The following CADM2 variants were observed in gnomAD, a reference collection of about 807,000 sequenced individuals.
CADM2 encodes immunoglobulin superfamily member 4D.
A neutral mutation model predicts 49.8 loss-of-function variants in CADM2; 12 were observed. The observed-to-expected ratio is 0.24, with a 90% CI of 0.15 to 0.39. CADM2 has a LOEUF of 0.39. Ranked by LOEUF, CADM2 falls within the 10% of genes least tolerant of loss-of-function variation. The pLI is 1.00. For missense variants in CADM2, 378 were observed against 492.3 expected (o/e 0.77, Z 2.20); for synonymous variants, 214 against 175.4 (o/e 1.22, Z -1.74).
intron 6 of CADM2, among the ~76,000 whole-genome samples, chr3:85,923,109 C>A (rs1210966567): frequency 6.6e-6 from 1 of 152,106 alleles, no homozygotes; most frequent in African/African-American, 2.4e-5. Context: ...AAGCGTGAGC[C>A]ACCGCGCCCG....
chr3:85,385,348 G>A (rs1474156239), intron 1 of CADM2, among the ~76,000 whole-genome samples: 1 of 152,206 alleles, frequency 6.6e-6, no homozygotes, highest in Non-Finnish European at 1.5e-5. Context: ...TGTTTGGGAG[G>A]AGAGTGAGCA....
chr3:85,979,305 T>C (rs1727186476), intron 8 of CADM2: 2 of 1,607,224 alleles, frequency 1.2e-6, no homozygotes, highest in Non-Finnish European at 1.7e-6. Context: ...TTCTTTGTTA[T>C]AGCCTGGAAA....
chr3:85,420,090 A>G (rs9857241), intron 1 of CADM2, among the ~76,000 whole-genome samples: 145 of 152,316 alleles, frequency 9.5e-4, no homozygotes, highest in African/African-American at 3.4e-3. Flanking sequence ...GAGAGATTCC[A>G]GTTATGACAC....
chr3:85,769,855 G>GAA (rs11445724), intron 2 of CADM2, among the ~76,000 whole-genome samples: 1 of 151,052 alleles, frequency 6.6e-6, no homozygotes, highest in Non-Finnish European at 1.5e-5. Context: ...ATATCAATGA[G>GAA]AAAAAAAGGG....
intron 1 of CADM2, among the ~76,000 whole-genome samples, chr3:85,397,601 T>C (rs975954020): frequency 2.0e-5 from 3 of 152,236 alleles, no homozygotes; most frequent in Non-Finnish European, 4.4e-5. Context: ...AACTTGAAAC[T>C]ATTATGCTAA....
intron 7 of CADM2, among the ~76,000 whole-genome samples, chr3:85,960,007 A>C (rs983433078): frequency 6.6e-6 from 1 of 151,884 alleles, no homozygotes; most frequent in Non-Finnish European, 1.5e-5. Flanking sequence ...TAGAACAAAA[A>C]TTTCTGCTAT....
intron 1 of CADM2, among the ~76,000 whole-genome samples, chr3:85,652,217 A>C (rs562981980): frequency 6.6e-6 from 1 of 151,952 alleles, no homozygotes; most frequent in East Asian, 1.9e-4. Flanking sequence ...CTTCCTTTAT[A>C]CCATGTTCTT....
intron 1 of CADM2, among the ~76,000 whole-genome samples, chr3:85,558,840 T>C (rs966248256): frequency 6.6e-5 from 10 of 152,052 alleles, no homozygotes; most frequent in Non-Finnish European, 1.3e-4. Context: ...ACCAAAACAA[T>C]CATGGAGAGA....
intron 1 of CADM2, among the ~76,000 whole-genome samples, chr3:85,559,395 A>G (rs569691398): frequency 1.3e-5 from 2 of 152,180 alleles, no homozygotes; most frequent in South Asian, 2.1e-4. Context: ...CTTAATGGAA[A>G]TAGTCAGGCT....
At chr3:85,479,117 A>T (rs1489086894) in intron 1 of CADM2, among the ~76,000 whole-genome samples, 1 of 151,526 alleles carries the variant, frequency 6.6e-6, no homozygotes, top group Non-Finnish European at 1.5e-5. Flanking sequence ...CTAAATTTTT[A>T]TTATTTATTT....
intron 1 of CADM2, among the ~76,000 whole-genome samples, chr3:85,672,641 A>C (rs757396895): frequency 6.6e-6 from 1 of 152,194 alleles, no homozygotes; most frequent in Non-Finnish European, 1.5e-5. Context: ...GATAATTTTT[A>C]TGAATCAAAA....
intron 1 of CADM2, among the ~76,000 whole-genome samples, chr3:85,125,694 A>G (rs2039011008): frequency 6.6e-6 from 1 of 152,198 alleles, no homozygotes; most frequent in African/African-American, 2.4e-5. Flanking sequence ...TGCCTTACTT[A>G]GACAATTTAT....
chr3:86,043,943 G>A lies in CADM2; in HGVS notation c.971-21662G>A, dbSNP rs183554585. ...CCATCTGATCTTTGACAAACCTGAC[G>A]AAAACAAGAAATGGGGAAACGGTTC... On this transcript the variant is annotated intron_variant, in intron 8 of 9. Transcript: ENST00000383699. Among the ~76,000 whole-genome samples the A allele has an allele frequency of 2.6e-3, 394 of 152,134 alleles. 1 individual carries two copies. The highest frequency in any genetic ancestry group is 3.4e-3 in the Non-Finnish European group (230 of 67,966).
chr3:85,489,340 A>G (rs112598486), intron 1 of CADM2, among the ~76,000 whole-genome samples: 6 of 152,290 alleles, frequency 3.9e-5, no homozygotes, highest in African/African-American at 1.4e-4. Flanking sequence ...GAATTCATTG[A>G]TTTATATTAC....
intron 1 of CADM2, among the ~76,000 whole-genome samples, chr3:85,641,788 A>G (rs1407469673): frequency 6.0e-5 from 9 of 150,566 alleles, no homozygotes; most frequent in Non-Finnish European, 4.4e-5. Flanking sequence ...AAAAATAGCC[A>G]GGTGTGGTGG....
At chr3:85,504,940 G>GGGGCCGGCA (rs1031487940) in intron 1 of CADM2, among the ~76,000 whole-genome samples, 2 of 152,074 alleles carry the variant, frequency 1.3e-5, no homozygotes, top group East Asian at 1.9e-4. Context: ...CTCATTGCCC[G>GGGGCCGGCA]GGGCCGGCAG....
intron 1 of CADM2, among the ~76,000 whole-genome samples, chr3:85,525,481 T>G (rs1386142271): frequency 1.3e-5 from 2 of 152,172 alleles, no homozygotes; most frequent in Non-Finnish European, 2.9e-5. Context: ...TTTCCAGCTT[T>G]CTTCTATTAG....
chr3:85,694,619 T>A (rs2066493294), intron 1 of CADM2, among the ~76,000 whole-genome samples: 2 of 152,246 alleles, frequency 1.3e-5, no homozygotes, highest in South Asian at 4.1e-4. Context: ...ATGCAATTTA[T>A]AAATATTTAT....
intron 1 of CADM2, among the ~76,000 whole-genome samples, chr3:85,593,610 A>C (rs961372895): frequency 6.6e-6 from 1 of 152,060 alleles, no homozygotes; most frequent in African/African-American, 2.4e-5. Context: ...GAATAAAAAG[A>C]AACACATAAG....
Sources: gnomAD v4.1 joint callset for allele counts (sites outside exome capture counted in the v4.1 genomes callset) on GRCh38, gnomAD v4.1.1 for gene constraint, MANE v1.5 for transcripts, NCBI Gene and HGNC (gene_info 2026-07-23, HGNC 2026-07-21) for gene names.